Variants in GRM8 observed in about 807,000 individuals in gnomAD.
GRM8 encodes the protein metabotropic glutamate receptor 8.
A neutral mutation model predicts 87.2 loss-of-function variants in GRM8; 47 were observed. The ratio of observed to expected loss-of-function variants is 0.54; its 90% CI spans 0.43 to 0.69. The LOEUF is 0.69. Ranked by LOEUF, GRM8 falls within the 30% of genes least tolerant of loss-of-function variation. The probability of loss-of-function intolerance (pLI) is 0.00; values close to 1 mark genes in which losing one functional copy is unlikely to be tolerated. For missense variants in GRM8, 1,019 were observed against 1,139.2 expected, an observed-to-expected ratio of 0.89 and a Z score of 1.52; for synonymous variants, 396 against 404.5, an observed-to-expected ratio of 0.98 and a Z score of 0.25.
At chr7:126,890,820 G>A (rs191090838) in intron 6 of GRM8, among the ~76,000 whole-genome samples, 40 of 152,042 alleles carry the variant, frequency 2.6e-4, no homozygotes, top group African/African-American at 9.6e-4. Flanking sequence ...GAATGGCAGG[G>A]TCCTCTCCTT....
chr7:126,493,385 A>G (rs1310153910), intron 9 of GRM8, among the ~76,000 whole-genome samples: 1 of 152,052 alleles, frequency 6.6e-6, no homozygotes, highest in Non-Finnish European at 1.5e-5. Context: ...CATGAGGCTT[A>G]GGCGGTTCTG....
intron 2 of GRM8, chr7:127,228,732 G>C (rs1797498888): frequency 6.6e-6 from 1 of 152,000 alleles, no homozygotes; most frequent in African/African-American, 2.4e-5. Context: ...ATGAATCATA[G>C]GGTATTATCC....
chr7:126,688,123 T>C (rs916708467), intron 7 of GRM8, among the ~76,000 whole-genome samples: 2 of 152,218 alleles, frequency 1.3e-5, no homozygotes, highest in Non-Finnish European at 2.9e-5. Context: ...AAAATTCTCA[T>C]ATCCAGTAGG....
chr7:126,833,802 T>C (rs1237966389), intron 6 of GRM8, among the ~76,000 whole-genome samples: 1 of 152,164 alleles, frequency 6.6e-6, no homozygotes, highest in East Asian at 1.9e-4. Context: ...GTCATCAACC[T>C]TTAGGGTGCC....
intron 2 of GRM8, among the ~76,000 whole-genome samples, chr7:127,215,586 C>A (rs1302484796): frequency 6.6e-6 from 1 of 152,190 alleles, no homozygotes; most frequent in Non-Finnish European, 1.5e-5. Flanking sequence ...ATCTTAGATC[C>A]TCACTCACCA....
chr7:127,127,703 C>T (rs913952226), intron 2 of GRM8, among the ~76,000 whole-genome samples: 1 of 151,972 alleles, frequency 6.6e-6, no homozygotes, highest in Non-Finnish European at 1.5e-5. Context: ...TTGATTGTGA[C>T]TGTGATATAC....
At chr7:126,833,879 T>G (rs989696455) in intron 6 of GRM8, among the ~76,000 whole-genome samples, 1 of 152,208 alleles carries the variant, frequency 6.6e-6, no homozygotes, top group Non-Finnish European at 1.5e-5. Flanking sequence ...GTGATTCTGA[T>G]TCATTCCATC....
chr7:126,925,479 T>C (rs946392781), intron 3 of GRM8, among the ~76,000 whole-genome samples: 1 of 152,222 alleles, frequency 6.6e-6, no homozygotes, highest in African/African-American at 2.4e-5. Context: ...TGGTATTTTT[T>C]ACTTTTTTAA....
At chr7:126,690,706 G>A (rs1026401408) in intron 7 of GRM8, among the ~76,000 whole-genome samples, 9 of 152,162 alleles carry the variant, frequency 5.9e-5, no homozygotes, top group South Asian at 2.1e-4. Flanking sequence ...AATGAGGTAC[G>A]CAGACAAGTG....
At chr7:126,830,783 T>C (rs1475873654) in intron 6 of GRM8, among the ~76,000 whole-genome samples, 1 of 152,240 alleles carries the variant, frequency 6.6e-6, no homozygotes, top group South Asian at 2.1e-4. Context: ...GGTGCTCTGC[T>C]TTTTAGAGTT....
intron 7 of GRM8, among the ~76,000 whole-genome samples, chr7:126,637,787 C>T (rs940025108): frequency 4.6e-5 from 7 of 152,076 alleles, no homozygotes; most frequent in Non-Finnish European, 5.9e-5. Context: ...TGTGGCCTTT[C>T]GAGTAATCAT....
chr7:127,165,960 C>T (rs534677864), intron 2 of GRM8, among the ~76,000 whole-genome samples: 2 of 152,250 alleles, frequency 1.3e-5, no homozygotes, highest in African/African-American at 4.8e-5. Context: ...AGAGCTCTGA[C>T]ATCAGTTTTC....
intron 7 of GRM8, among the ~76,000 whole-genome samples, chr7:126,642,873 C>T (rs1298286645): frequency 1.3e-5 from 2 of 151,876 alleles, no homozygotes; most frequent in Non-Finnish European, 2.9e-5. Flanking sequence ...GTTTCTTATC[C>T]ATAAAATGGG....
intron 6 of GRM8, among the ~76,000 whole-genome samples, chr7:126,850,159 T>G (rs1041055910): frequency 3.3e-5 from 5 of 152,178 alleles, no homozygotes; most frequent in African/African-American, 1.2e-4. Flanking sequence ...ACTAATAAAG[T>G]TGCCAAACCG....
intron 3 of GRM8, among the ~76,000 whole-genome samples, chr7:126,936,751 C>A (rs1382973473): frequency 2.0e-5 from 3 of 152,086 alleles, no homozygotes; most frequent in Non-Finnish European, 2.9e-5. Context: ...CTGAGAGCAA[C>A]CCCCGGGGAC....
intron 6 of GRM8, among the ~76,000 whole-genome samples, chr7:126,858,408 T>TGC (rs1797868654): frequency 6.6e-6 from 1 of 152,180 alleles, no homozygotes; most frequent in Admixed American, 6.5e-5. Flanking sequence ...GACTCCTGCC[T>TGC]GCCCCTCCAA....
At chr7:126,664,355 C>T (rs1805534974) in intron 7 of GRM8, among the ~76,000 whole-genome samples, 1 of 152,040 alleles carries the variant, frequency 6.6e-6, no homozygotes, top group Admixed American at 6.6e-5. Context: ...AAGAACAAAG[C>T]CAGGGGCATT....
intron 6 of GRM8, among the ~76,000 whole-genome samples, chr7:126,820,134 C>G (rs912137266): frequency 1.3e-5 from 2 of 152,078 alleles, no homozygotes; most frequent in African/African-American, 4.8e-5. Context: ...CAGTGTGGTT[C>G]TATCAGTTTA....
intron 9 of GRM8, among the ~76,000 whole-genome samples, chr7:126,528,156 G>A (rs1435747882): frequency 6.6e-6 from 1 of 152,070 alleles, no homozygotes; most frequent in East Asian, 1.9e-4. Flanking sequence ...GTGAGCCGAG[G>A]TAGTGCCACT....
Sources: gnomAD v4.1 joint callset for allele counts (sites outside exome capture counted in the v4.1 genomes callset) on GRCh38, gnomAD v4.1.1 for gene constraint, MANE v1.5 for transcripts, NCBI Gene and HGNC (gene_info 2026-07-23, HGNC 2026-07-21) for gene names.